DPH6: variants seen among roughly 807,000 people sequenced by gnomAD.
DPH6 encodes the protein diphthine--ammonia ligase.
DPH6 carries 33 observed loss-of-function variants against 38.2 expected under a neutral mutation model. That is an observed-to-expected ratio of 0.86 (90% confidence interval 0.65 to 1.15). The LOEUF is 1.15. Among genes scored for constraint, DPH6 ranks in the 50% most tolerant of loss-of-function variants. The probability of loss-of-function intolerance (pLI) is 0.00; values close to 1 mark genes in which losing one functional copy is unlikely to be tolerated. For missense variants in DPH6, 325 were observed against 320.0 expected (o/e 1.02, Z -0.12); for synonymous variants, 108 against 103.0 (o/e 1.05, Z -0.30).
chr15:35,360,398 G>C (rs1190727057), intron 3 of DPH6, among the ~76,000 whole-genome samples: 1 of 152,144 alleles, frequency 6.6e-6, no homozygotes, highest in Non-Finnish European at 1.5e-5. Flanking sequence ...GAGGACTTCT[G>C]GGTCTGCAGA....
At chr15:35,155,865 A>T in the DPH6 span, among the ~76,000 whole-genome samples, 7 of 152,136 alleles carry the variant, frequency 4.6e-5, no homozygotes, top group East Asian at 7.7e-4. Flanking sequence ...GTAGACCACT[A>T]TTTTTTAAAT....
At position 35,488,486 on chromosome 15, in the gene DPH6, T is replaced by C. The variant is rs894857297; in HGVS notation, c.313-33666A>G. On this transcript the variant is annotated intron_variant, in intron 3 of 8. Coordinates refer to ENST00000256538, the MANE Select transcript of DPH6 (RefSeq NM_080650.4). ...AAGGAGAAGCAAGACATGTCTTACA[T>C]GGCAGCAGGAGAGCGAGTGAGCAAG... is the stretch of plus-strand genomic sequence containing the variant. Among the ~76,000 whole-genome samples the C allele has an allele frequency of 6.6e-5, 10 of 152,310 alleles. No individual in the cohort carries two copies. In the East Asian group the frequency reaches 1.9e-3, roughly 29 times the overall value.
chr15:35,268,757 A>G (rs2051801880), intron 3 of DPH6, among the ~76,000 whole-genome samples: 1 of 151,934 alleles, frequency 6.6e-6, no homozygotes, highest in Non-Finnish European at 1.5e-5. Context: ...GAAAAAAAAA[A>G]AAGGTATAAA....
At chr15:35,545,275 G>A (rs1595460278) in intron 1 of DPH6, among the ~76,000 whole-genome samples, 1 of 152,302 alleles carries the variant, frequency 6.6e-6, no homozygotes, top group Middle Eastern at 3.4e-3. Context: ...GTTCCCTTCT[G>A]CCTCAGTTTA....
intron 3 of DPH6, among the ~76,000 whole-genome samples, chr15:35,279,068 A>AATATATATATAT (rs1555390827): frequency 9.7e-6 from 1 of 102,992 alleles, no homozygotes; most frequent in African/African-American, 4.8e-5. Flanking sequence ...AAAAAAAAAA[A>AATATATATATAT]ATATATATAT....
At chr15:35,512,035 ATAAAG>A (rs757752146) in intron 3 of DPH6, among the ~76,000 whole-genome samples, 3 of 152,212 alleles carry the variant, frequency 2.0e-5, no homozygotes, top group Non-Finnish European at 4.4e-5. Flanking sequence ...AAGGGGAAGC[ATAAAG>A]TATTTTCTAT....
chr15:35,431,772 T>C (rs1172580597), intron 5 of DPH6, among the ~76,000 whole-genome samples: 1 of 152,084 alleles, frequency 6.6e-6, no homozygotes, highest in Non-Finnish European at 1.5e-5. Flanking sequence ...TGGCTCCCCT[T>C]AGAACCAATC....
chr15:35,486,849 G>A (rs1366200826), intron 3 of DPH6, among the ~76,000 whole-genome samples: 1 of 152,132 alleles, frequency 6.6e-6, no homozygotes, highest in Non-Finnish European at 1.5e-5. Flanking sequence ...TTCTGCCTAT[G>A]AGCCTGTAAA....
the DPH6 span, among the ~76,000 whole-genome samples, chr15:35,199,994 A>G: frequency 6.6e-6 from 1 of 152,086 alleles, no homozygotes; most frequent in African/African-American, 2.4e-5. Context: ...GTAGAGGTAC[A>G]GTATAGTGGT....
At chr15:35,506,582 T>C (rs1477736470) in intron 3 of DPH6, among the ~76,000 whole-genome samples, 5 of 152,160 alleles carry the variant, frequency 3.3e-5, no homozygotes, top group African/African-American at 1.2e-4. Flanking sequence ...TGTACTGGTA[T>C]AAAAGAGAAA....
intron 3 of DPH6, chr15:35,520,276 A>G (rs1325330944): frequency 7.3e-6 from 7 of 957,522 alleles, no homozygotes; most frequent in Non-Finnish European, 8.7e-6. Flanking sequence ...ATCCTCGCCT[A>G]TTTTAAGCAT....
intron 6 of DPH6, among the ~76,000 whole-genome samples, chr15:35,404,989 C>T (rs1384141536): frequency 6.6e-6 from 1 of 151,874 alleles, no homozygotes; most frequent in East Asian, 1.9e-4. Flanking sequence ...ATTGTTTTTC[C>T]CCAATGTATG....
At chr15:35,152,858 CT>C in the DPH6 span, among the ~76,000 whole-genome samples, 165 of 152,198 alleles carry the variant, frequency 1.1e-3, 1 homozygote, top group Non-Finnish European at 1.0e-4. Flanking sequence ...CTTTGTTGTA[CT>C]TAGTGGGAGG....
intron 3 of DPH6, among the ~76,000 whole-genome samples, chr15:35,343,007 T>C (rs566494780): frequency 8.5e-5 from 13 of 152,330 alleles, no homozygotes; most frequent in African/African-American, 3.1e-4. Context: ...AAATTCCAGA[T>C]TTCATAGCAT....
At chr15:35,353,945 T>G (rs1429352105) in intron 3 of DPH6, among the ~76,000 whole-genome samples, 1 of 152,190 alleles carries the variant, frequency 6.6e-6, no homozygotes, top group Admixed American at 6.5e-5. Flanking sequence ...TTGTGTCCTC[T>G]TTTATTTTGT....
the DPH6 span, among the ~76,000 whole-genome samples, chr15:35,159,988 C>G: frequency 6.6e-6 from 1 of 151,816 alleles, no homozygotes. Flanking sequence ...TTATAAGGAG[C>G]TAAACATTGA....
intron 3 of DPH6, among the ~76,000 whole-genome samples, chr15:35,284,209 A>C (rs2051922307): frequency 6.6e-6 from 1 of 152,212 alleles, no homozygotes; most frequent in South Asian, 2.1e-4. Context: ...GCTTGATGAC[A>C]TCCCAACCTA....
chr15:35,450,667 G>A lies in DPH6; in HGVS notation c.505+18C>T, dbSNP rs773827693. 3 of 1,594,182 alleles carry A rather than the reference G, an allele frequency of 1.9e-6. No individual in the cohort carries two copies. The African/African-American group carries it at 4.0e-5, about 21-fold the overall frequency. On this transcript the variant is annotated intron_variant, in intron 5 of 8. Coordinates refer to ENST00000256538, the MANE Select transcript of DPH6 (RefSeq NM_080650.4). ...CTATGTGGCAACAAACAGCTCCCTT[G>A]ATAGTTTGGCTGCATACCCAAAGCT...
At chr15:35,262,589 C>A (rs2140419453) in intron 3 of DPH6, among the ~76,000 whole-genome samples, 1 of 151,792 alleles carries the variant, frequency 6.6e-6, no homozygotes, top group South Asian at 2.1e-4. Flanking sequence ...GCCTGTAGTC[C>A]CAGCTACTGG....
Sources: allele counts gnomAD v4.1 joint callset (sites outside exome capture counted in the v4.1 genomes callset), GRCh38; gene constraint gnomAD v4.1.1; transcripts MANE v1.5; gene names NCBI Gene and HGNC (gene_info 2026-07-23, HGNC 2026-07-21).